The following LEPR variants were observed in gnomAD, a reference collection of about 807,000 sequenced individuals.
LEPR encodes the protein leptin receptor.
Under a neutral mutation model 114.7 loss-of-function variants are expected in LEPR, and 56 were observed. The observed-to-expected ratio is 0.49, with a 90% CI of 0.39 to 0.61. The LOEUF is 0.61. Ranked by LOEUF, LEPR falls within the 20% of genes least tolerant of loss-of-function variation. The pLI, the probability that LEPR is intolerant of heterozygous loss-of-function variation, is 0.00. For missense variants in LEPR, 1,202 were observed against 1,352.9 expected, an observed-to-expected ratio of 0.89 and a Z score of 1.75; for synonymous variants, 443 against 461.4, an observed-to-expected ratio of 0.96 and a Z score of 0.51.
At chr1:65,591,974 T>C (rs953701982) in intron 5 of LEPR, among the ~76,000 whole-genome samples, 1 of 152,010 alleles carries the variant, frequency 6.6e-6, no homozygotes, top group African/African-American at 2.4e-5. Context: ...TGTTTTATTA[T>C]TTTAGTGGTT....
chr1:65,490,917 A>T (rs1647834156), intron 2 of LEPR, among the ~76,000 whole-genome samples: 1 of 152,144 alleles, frequency 6.6e-6, no homozygotes, highest in Non-Finnish European at 1.5e-5. Context: ...CGATGATTTC[A>T]GAAGTGTAAA....
intron 2 of LEPR, chr1:65,526,101 C>T (rs1170202135): frequency 2.4e-5 from 22 of 913,960 alleles, no homozygotes; most frequent in Non-Finnish European, 2.8e-5. Context: ...CGAACCTGCT[C>T]GGGACCACCG....
intron 2 of LEPR, among the ~76,000 whole-genome samples, chr1:65,564,093 T>C (rs375222655): frequency 7.2e-4 from 103 of 143,816 alleles, no homozygotes; most frequent in South Asian, 2.3e-3. Flanking sequence ...CAGTTGGAGC[T>C]TCCCGCTGCT....
intron 2 of LEPR, among the ~76,000 whole-genome samples, chr1:65,462,177 A>G (rs374800667): frequency 4.2e-4 from 64 of 152,092 alleles, no homozygotes; most frequent in African/African-American, 1.2e-3. Flanking sequence ...ACAGGCCCCA[A>G]TGTGTGATGT....
intron 1 of LEPR, 44 bp downstream of exon 1, chr1:65,420,784 C>T (rs530298155): frequency 1.9e-6 from 3 of 1,565,190 alleles, no homozygotes; most frequent in South Asian, 2.3e-5. Context: ...GTGGGGTTGC[C>T]ACCTCCGTTC....
intron 2 of LEPR, among the ~76,000 whole-genome samples, chr1:65,520,690 C>A (rs1570601430): frequency 6.6e-6 from 1 of 152,066 alleles, no homozygotes; most frequent in East Asian, 1.9e-4. Context: ...GCCTTCAGAG[C>A]TGAGAACCTC....
At chr1:65,551,385 A>G (rs1386319866) in intron 2 of LEPR, among the ~76,000 whole-genome samples, 1 of 151,956 alleles carries the variant, frequency 6.6e-6, no homozygotes, top group East Asian at 1.9e-4. Context: ...TACTGGCTCA[A>G]TTTCAGACCC....
intron 2 of LEPR, among the ~76,000 whole-genome samples, chr1:65,440,249 G>A (rs1302692663): frequency 2.0e-5 from 3 of 151,670 alleles, no homozygotes; most frequent in African/African-American, 4.8e-5. Context: ...ATTCTTTCAA[G>A]AAATATTTGT....
chr1:65,573,970 A>T (rs1053083381), intron 5 of LEPR, among the ~76,000 whole-genome samples: 4 of 152,222 alleles, frequency 2.6e-5, no homozygotes, highest in African/African-American at 9.6e-5. Flanking sequence ...GTAAAAAAGG[A>T]TGAATGGTTA....
At chr1:65,431,768 A>G (rs1237327631) in intron 2 of LEPR, 1 of 1,599,642 alleles carries the variant, frequency 6.3e-7, no homozygotes, top group Non-Finnish European at 8.5e-7. Context: ...ATATGAAGGA[A>G]GTAAGGATTT....
chr1:65,568,185 T>G (rs1458288363), intron 3 of LEPR, among the ~76,000 whole-genome samples: 1 of 152,214 alleles, frequency 6.6e-6, no homozygotes, highest in Non-Finnish European at 1.5e-5. Context: ...TATATAGTCT[T>G]TTCATACTGG....
chr1:65,472,615 G>GAC (rs77182938), intron 2 of LEPR, among the ~76,000 whole-genome samples: 16,472 of 136,884 alleles, frequency 0.12, 1,061 homozygotes, highest in African/African-American at 0.2. Context: ...TATATATATA[G>GAC]ACACACACAC....
At chr1:65,517,906 G>T (rs1570595123) in intron 2 of LEPR, among the ~76,000 whole-genome samples, 2 of 152,168 alleles carry the variant, frequency 1.3e-5, no homozygotes, top group African/African-American at 4.8e-5. Flanking sequence ...CATTAGTTCA[G>T]TTTACAGGAG....
chr1:65,599,755 G>A (rs1656318232), intron 8 of LEPR, among the ~76,000 whole-genome samples: 1 of 151,900 alleles, frequency 6.6e-6, no homozygotes, highest in Admixed American at 6.6e-5. Context: ...ATTAACATTG[G>A]TCATGTGAAG....
At chr1:65,530,090 G>C (rs1348287045) in intron 2 of LEPR, among the ~76,000 whole-genome samples, 3 of 152,110 alleles carry the variant, frequency 2.0e-5, no homozygotes, top group Non-Finnish European at 4.4e-5. Flanking sequence ...ATGTCTAGTA[G>C]GCATCTCCAG....
chr1:65,586,362 T>C (rs567758327), intron 5 of LEPR, among the ~76,000 whole-genome samples: 25 of 152,180 alleles, frequency 1.6e-4, no homozygotes, highest in Non-Finnish European at 3.2e-4. Flanking sequence ...TTCTCTATTT[T>C]TGTGTCCTTT....
chr1:65,564,583 C>A (rs1374114587), intron 2 of LEPR, among the ~76,000 whole-genome samples: 1 of 91,718 alleles, frequency 1.1e-5, no homozygotes, highest in Non-Finnish European at 2.4e-5. Context: ...CTCCGTGAAT[C>A]CGTTTCTTAA....
intron 2 of LEPR, among the ~76,000 whole-genome samples, chr1:65,530,874 C>T (rs1322334776): frequency 6.6e-6 from 1 of 152,152 alleles, no homozygotes; most frequent in East Asian, 1.9e-4. Context: ...TGACAGCTCC[C>T]ACCCTAGTAC....
At chr1:65,440,454 A>C (rs10889551) in intron 2 of LEPR, among the ~76,000 whole-genome samples, 2 of 151,476 alleles carry the variant, frequency 1.3e-5, no homozygotes, top group African/African-American at 4.9e-5. Flanking sequence ...AAAAAGGAAG[A>C]AAGGGATGTA....
Sources: allele counts gnomAD v4.1 joint callset (sites outside exome capture counted in the v4.1 genomes callset), GRCh38; gene constraint gnomAD v4.1.1; transcripts MANE v1.5; gene names NCBI Gene and HGNC (gene_info 2026-07-23, HGNC 2026-07-21).